The following NCAM2 variants were observed in gnomAD, a reference collection of about 807,000 sequenced individuals.
NCAM2 encodes N-CAM-2.
NCAM2 carries 30 observed loss-of-function variants against 98.1 expected under a neutral mutation model. That is an observed-to-expected ratio of 0.31 (90% CI 0.23 to 0.41). The LOEUF (loss-of-function observed/expected upper bound fraction) is 0.41, where lower values mean the gene tolerates loss of function less well. NCAM2 is among the 10% of genes least tolerant of loss of function. The pLI is 1.00. For synonymous variants in NCAM2, 368 were observed against 342.4 expected, an observed-to-expected ratio of 1.07 and a Z score of -0.83; for missense variants, 867 against 1,005.8, an observed-to-expected ratio of 0.86 and a Z score of 1.87.
intron 8 of NCAM2, among the ~76,000 whole-genome samples, chr21:21,359,060 C>T (rs1568976182): frequency 6.6e-6 from 1 of 152,014 alleles, no homozygotes; most frequent in East Asian, 1.9e-4. Context: ...TGCTGAACAA[C>T]ATACCACCAG....
At chr21:21,075,408 A>G (rs2065660507) in intron 1 of NCAM2, among the ~76,000 whole-genome samples, 1 of 152,178 alleles carries the variant, frequency 6.6e-6, no homozygotes, top group South Asian at 2.1e-4. Context: ...AACAAAGCTG[A>G]TTTGATTTAT....
intron 5 of NCAM2, among the ~76,000 whole-genome samples, chr21:21,297,916 G>A (rs879673915): frequency 1.3e-4 from 20 of 151,732 alleles, no homozygotes; most frequent in Admixed American, 4.0e-4. Flanking sequence ...GGTAATGGAG[G>A]CAGGAACAAT....
At chr21:21,228,283 G>T (rs1279430584) in intron 1 of NCAM2, among the ~76,000 whole-genome samples, 1 of 151,410 alleles carries the variant, frequency 6.6e-6, no homozygotes, top group Non-Finnish European at 1.5e-5. Context: ...ATGATTAATG[G>T]AAATAGAAAG....
chr21:21,111,513 A>AG lies in NCAM2; in HGVS notation c.55+112898dup, dbSNP rs537127798. Among the ~76,000 whole-genome samples, 38 of 152,262 alleles carry AG rather than the reference A, an allele frequency of 2.5e-4. 1 individual carries two copies. In the South Asian group the frequency reaches 7.9e-3, roughly 32 times the overall value. On this transcript the variant is annotated intron_variant, in intron 1 of 17. Transcript: ENST00000400546. Reference sequence around the variant, plus strand: ...GAGATGGAGGGAGAACCAAGAGGGCAGGGCTCCAGAAGCCGAATGCAGGCA... The same window carrying AG: ...GAGATGGAGGGAGAACCAAGAGGGCAGGGGCTCCAGAAGCCGAATGCAGGCA...
intron 1 of NCAM2, among the ~76,000 whole-genome samples, chr21:21,203,043 G>C (rs1387910742): frequency 6.6e-6 from 1 of 152,148 alleles, no homozygotes; most frequent in Non-Finnish European, 1.5e-5. Context: ...TGGAGTCCAA[G>C]AGCACCAACT....
At chr21:21,265,513 A>G (rs1568857716) in intron 1 of NCAM2, among the ~76,000 whole-genome samples, 2 of 144,752 alleles carry the variant, frequency 1.4e-5, no homozygotes, top group South Asian at 2.1e-4. Flanking sequence ...GTGTGTATAT[A>G]TACACATACA....
intron 1 of NCAM2, among the ~76,000 whole-genome samples, chr21:21,164,911 T>C (rs531420570): frequency 1.3e-5 from 2 of 152,258 alleles, no homozygotes; most frequent in South Asian, 4.1e-4. Flanking sequence ...ACATGCAACA[T>C]GTAAGGGCTT....
chr21:21,401,065 A>G lies in NCAM2; in HGVS notation c.1196-9209A>G, dbSNP rs188237621. On this transcript the variant is annotated intron_variant, in intron 9 of 17. Coordinates refer to ENST00000400546, the MANE Select transcript of NCAM2 (RefSeq NM_004540.5). ...AGAAACTCAAGGTCACATCTTTTCTACTTGACAGAGTTGGCACTCAATTTT... is the reference window on the plus strand; with the variant it reads ...AGAAACTCAAGGTCACATCTTTTCTGCTTGACAGAGTTGGCACTCAATTTT... Among the ~76,000 whole-genome samples the G allele has an allele frequency of 1.8e-3, 279 of 152,302 alleles. 2 individuals carry two copies. The highest frequency in any genetic ancestry group is 6.5e-3 in the African/African-American group (272 of 41,580).
rs2074837662 is a variant in NCAM2 at position 21,335,519 on chromosome 21, T to C, written c.752T>C (p.Ile251Thr). ...TTCTTCTTTAGGAATGGCAAGCTCA[T>C]TGAAGAAAATGAGAAGTACATATTG... is the stretch of plus-strand genomic sequence containing the variant. ...AISWFRNGKL[I>T]EENEKYILKG... The change falls in exon 7 of 18, where the codon ATT becomes ACT. Residue 251 changes from isoleucine (I) to threonine (T), a missense_variant. By Grantham distance (89) the Ile-to-Thr change is moderately conservative. Coordinates refer to ENST00000400546, the MANE Select transcript of NCAM2 (RefSeq NM_004540.5). The C allele has an allele frequency of 6.3e-7, 1 of 1,592,290 alleles. No individual in the cohort carries two copies.
At chr21:21,369,272 C>T (rs1278355564) in intron 8 of NCAM2, among the ~76,000 whole-genome samples, 1 of 151,824 alleles carries the variant, frequency 6.6e-6, no homozygotes, top group Non-Finnish European at 1.5e-5. Context: ...TTTCATGATT[C>T]ATCCATGTTG....
At chr21:21,346,368 G>A (rs1163734896) in intron 8 of NCAM2, among the ~76,000 whole-genome samples, 3 of 151,976 alleles carry the variant, frequency 2.0e-5, no homozygotes, top group South Asian at 4.1e-4. Flanking sequence ...CCCAACATGG[G>A]AGAACCCAGA....
At chr21:21,213,127 G>A (rs770283853) in intron 1 of NCAM2, among the ~76,000 whole-genome samples, 7 of 152,160 alleles carry the variant, frequency 4.6e-5, no homozygotes, top group Non-Finnish European at 7.3e-5. Context: ...TTAGTTGCCT[G>A]TTAATCTATA....
intron 8 of NCAM2, among the ~76,000 whole-genome samples, chr21:21,351,404 AC>A (rs2098755961): frequency 1.3e-5 from 2 of 152,216 alleles, no homozygotes; most frequent in African/African-American, 4.8e-5. Flanking sequence ...CAAATTGGAA[AC>A]CCTGACCTCT....
chr21:21,069,071 T>C (rs866290351), intron 1 of NCAM2, among the ~76,000 whole-genome samples: 3 of 152,188 alleles, frequency 2.0e-5, no homozygotes, highest in Admixed American at 6.5e-5. Flanking sequence ...AATTTGCATA[T>C]GATTAAAATC....
chr21:21,261,843 C>T (rs2071912011), intron 1 of NCAM2, among the ~76,000 whole-genome samples: 1 of 151,830 alleles, frequency 6.6e-6, no homozygotes, highest in Non-Finnish European at 1.5e-5. Flanking sequence ...CTAGCAGAAA[C>T]ATGAAACAGC....
At chr21:21,359,791 G>A (rs527681231) in intron 8 of NCAM2, among the ~76,000 whole-genome samples, 13 of 151,848 alleles carry the variant, frequency 8.6e-5, no homozygotes, top group South Asian at 6.2e-4. Context: ...ATATAAAATC[G>A]TATCACTATA....
At chr21:21,504,178 A>G (rs1987821779) in intron 15 of NCAM2, among the ~76,000 whole-genome samples, 1 of 151,922 alleles carries the variant, frequency 6.6e-6, no homozygotes, top group Non-Finnish European at 1.5e-5. Context: ...ACAAGTATAA[A>G]AAGTATACAA....
At chr21:21,532,659 T>A (rs1340555252) in intron 16 of NCAM2, among the ~76,000 whole-genome samples, 1 of 152,174 alleles carries the variant, frequency 6.6e-6, no homozygotes, top group African/African-American at 2.4e-5. Context: ...TTTGAATCAT[T>A]TTCTTGCTAA....
intron 9 of NCAM2, among the ~76,000 whole-genome samples, chr21:21,403,380 C>G (rs1178035601): frequency 6.6e-6 from 1 of 152,140 alleles, no homozygotes; most frequent in Non-Finnish European, 1.5e-5. Flanking sequence ...TGCATTTAAA[C>G]AGTAATTTGC....
Sources: gnomAD v4.1 joint callset for allele counts (sites outside exome capture counted in the v4.1 genomes callset) on GRCh38, gnomAD v4.1.1 for gene constraint, MANE v1.5 for transcripts, NCBI Gene and HGNC (gene_info 2026-07-23, HGNC 2026-07-21) for gene names.